Variants in WWP2 observed in about 807,000 individuals in gnomAD.
WWP2 encodes WW domain containing E3 ubiquitin protein ligase 2, also known as NEDD4-like E3 ubiquitin-protein ligase WWP2.
WWP2 carries 57 observed loss-of-function variants against 121.0 expected under a neutral mutation model. That is an observed-to-expected ratio of 0.47 (90% CI 0.38 to 0.59). The LOEUF is 0.59. WWP2 is among the 20% of genes least tolerant of loss of function. WWP2 has a pLI of 0.00. For synonymous variants in WWP2, 449 were observed against 441.3 expected (o/e 1.02, Z -0.22); for missense variants, 962 against 1,158.9 (o/e 0.83, Z 2.47).
intron 6 of WWP2, among the ~76,000 whole-genome samples, chr16:69,861,906 G>T (rs1164909723): frequency 1.3e-5 from 2 of 152,102 alleles, no homozygotes; most frequent in East Asian, 3.9e-4. Flanking sequence ...TTAAGAGTGT[G>T]CTCAGAGGAA....
intron 4 of WWP2, among the ~76,000 whole-genome samples, chr16:69,807,244 G>A (rs1479629595): frequency 6.6e-6 from 1 of 151,780 alleles, no homozygotes; most frequent in Non-Finnish European, 1.5e-5. Flanking sequence ...CATGTTGGCT[G>A]GGCTAATCTT....
intron 8 of WWP2, among the ~76,000 whole-genome samples, chr16:69,899,245 C>T (rs2151950263): frequency 6.6e-6 from 1 of 152,270 alleles, no homozygotes; most frequent in South Asian, 2.1e-4. Flanking sequence ...CTTGGTGGTT[C>T]TTGCCTGTAA....
At chr16:69,903,269 G>A (rs989911898) in intron 8 of WWP2, among the ~76,000 whole-genome samples, 4 of 152,188 alleles carry the variant, frequency 2.6e-5, no homozygotes, top group Non-Finnish European at 5.9e-5. Context: ...ACTCAGCACT[G>A]ATTTCATTTC....
intron 2 of WWP2, among the ~76,000 whole-genome samples, chr16:69,797,832 G>C (rs1349592062): frequency 1.3e-5 from 2 of 151,974 alleles, no homozygotes; most frequent in African/African-American, 2.4e-5. Flanking sequence ...AGGTTGCAGT[G>C]AGCCGAGATT....
chr16:69,805,916 A>G (rs933157421), intron 4 of WWP2, among the ~76,000 whole-genome samples: 2 of 151,860 alleles, frequency 1.3e-5, no homozygotes, highest in Non-Finnish European at 2.9e-5. Context: ...AATTTCTACA[A>G]CTGGGCACAG....
At chr16:69,902,412 C>A (rs1322156011) in intron 8 of WWP2, among the ~76,000 whole-genome samples, 2 of 152,176 alleles carry the variant, frequency 1.3e-5, no homozygotes, top group African/African-American at 4.8e-5. Flanking sequence ...TAATTGCAGT[C>A]AGACGGAGAC....
intron 4 of WWP2, among the ~76,000 whole-genome samples, chr16:69,821,066 G>T (rs1280746256): frequency 6.6e-6 from 1 of 152,248 alleles, no homozygotes; most frequent in Non-Finnish European, 1.5e-5. Context: ...TGATCGAGTT[G>T]CAGTTACATC....
At chr16:69,850,680 G>T (rs935080200) in intron 6 of WWP2, among the ~76,000 whole-genome samples, 2 of 152,148 alleles carry the variant, frequency 1.3e-5, no homozygotes, top group Non-Finnish European at 2.9e-5. Flanking sequence ...AGGAGTAAGA[G>T]AACTTGATGT....
In WWP2 at chr16:69,846,049, C is replaced by CAAAAAAAAAAAAAAAAAAAAAAA; in HGVS notation, c.575+3950_575+3951insAAAAAAAAAAAAAAAAAAAAAAA. ...TGGGTGACAGAGCCAGACTCCATCTCAAAAAAAAAAAAAAAAAAAAAGAAT... is the reference window on the plus strand; with the variant it reads ...TGGGTGACAGAGCCAGACTCCATCTCAAAAAAAAAAAAAAAAAAAAAAAAAAAAAAAAAAAAAAAAAAAAGAAT... On this transcript the variant is annotated intron_variant, in intron 6 of 23. Transcript: ENST00000359154. Among the ~76,000 whole-genome samples, 36 of 45,582 alleles carry CAAAAAAAAAAAAAAAAAAAAAAA rather than the reference C, an allele frequency of 7.9e-4. 5 individuals are homozygous for CAAAAAAAAAAAAAAAAAAAAAAA. The highest frequency in any genetic ancestry group is 9.7e-4 in the Admixed American group (3 of 3,100). The allele number at this position is 45,582 out of a possible 152,430, so 29.9% of individuals were successfully genotyped here.
At chr16:69,806,934 T>TTTGTTTTATTTA (rs2056286858) in intron 4 of WWP2, among the ~76,000 whole-genome samples, 1 of 148,390 alleles carries the variant, frequency 6.7e-6, no homozygotes, top group African/African-American at 2.5e-5. Context: ...CCTAGATCTG[T>TTTGTTTTATTTA]TTTATTTATT....
At chr16:69,934,176 C>G (rs758705368) in intron 17 of WWP2, 47 bp downstream of exon 17, 2 of 1,602,088 alleles carry the variant, frequency 1.2e-6, no homozygotes, top group Non-Finnish European at 8.5e-7. Flanking sequence ...CCTCTCCCTC[C>G]TCTTCCCTCT....
At position 69,876,350 on chromosome 16, in the gene WWP2, TG is replaced by T. The variant is rs200632719; in HGVS notation, c.703+4423del. Among the ~76,000 whole-genome samples, 1,202 of 149,494 alleles carry T rather than the reference TG, an allele frequency of 8.0e-3. 20 individuals carry two copies. Among genetic ancestry groups the T allele is most frequent in the African/African-American group, 0.027 (1,081 of 40,096 alleles). Reference sequence around the variant, plus strand: ...TTTGGTTTTTTTGGGGCATGTTTTTTGGGGTTTTTTTTTTTTTTCGTTTTTT... The same window carrying T: ...TTTGGTTTTTTTGGGGCATGTTTTTTGGGTTTTTTTTTTTTTTCGTTTTTT... On this transcript the variant is annotated intron_variant, in intron 7 of 23. Transcript: ENST00000359154.
intron 4 of WWP2, among the ~76,000 whole-genome samples, chr16:69,816,215 CATT>C (rs1392044201): frequency 1.3e-5 from 2 of 151,804 alleles, no homozygotes; most frequent in African/African-American, 2.4e-5. Context: ...CTAAATTGAA[CATT>C]ATTATTAATA....
chr16:69,874,707 T>C (rs2057705128), intron 7 of WWP2, among the ~76,000 whole-genome samples: 1 of 152,206 alleles, frequency 6.6e-6, no homozygotes, highest in Non-Finnish European at 1.5e-5. Flanking sequence ...TATTGAAGAC[T>C]TTACCCCCAA....
intron 1 of WWP2, among the ~76,000 whole-genome samples, chr16:69,781,960 C>T (rs144708327): frequency 6.6e-6 from 1 of 152,206 alleles, no homozygotes; most frequent in Admixed American, 6.6e-5. Context: ...ATCACCTCTT[C>T]AAGGCCCCAC....
At chr16:69,812,413 C>T (rs191386607) in intron 4 of WWP2, among the ~76,000 whole-genome samples, 363 of 151,038 alleles carry the variant, frequency 2.4e-3, no homozygotes, top group Non-Finnish European at 4.2e-3. Context: ...AACCTGCCCG[C>T]CTCGGCCTCC....
rs766996953 is a variant in WWP2 at position 69,929,479 on chromosome 16, C to T, written c.1266C>T (p.Tyr422=). The T allele has an allele frequency of 6.2e-6, 10 of 1,613,976 alleles. No individual in the cohort carries two copies. The highest frequency in any genetic ancestry group is 3.3e-5 in the Admixed American group (2 of 59,996). The change falls in exon 12 of 24, where the codon TAC becomes TAT. Residue 422 remains tyrosine (Y), a synonymous_variant. Coordinates refer to ENST00000359154, the MANE Select transcript of WWP2 (RefSeq NM_001270454.2). ...EKRQDNGRVY[Y]VNHNTRTTQW... ...GACAGGACAATGGACGGGTGTATTA[C>T]GTGAACCATAACACTCGCACGACCC...
intron 7 of WWP2, among the ~76,000 whole-genome samples, chr16:69,879,713 G>A (rs2057791593): frequency 6.6e-6 from 1 of 152,166 alleles, no homozygotes; most frequent in Non-Finnish European, 1.5e-5. Flanking sequence ...CAAGATTTCA[G>A]TTCTTTTGGT....
At chr16:69,834,629 C>T (rs925027999) in intron 4 of WWP2, among the ~76,000 whole-genome samples, 6 of 150,166 alleles carry the variant, frequency 4.0e-5, no homozygotes, top group East Asian at 3.9e-4. Context: ...CGGGTTCAAG[C>T]GATTCTCCTG....
Sources: allele counts gnomAD v4.1 joint callset (sites outside exome capture counted in the v4.1 genomes callset), GRCh38; gene constraint gnomAD v4.1.1; transcripts MANE v1.5; gene names NCBI Gene and HGNC (gene_info 2026-07-23, HGNC 2026-07-21).